The following DNM2 variants were observed in gnomAD, a reference collection of about 807,000 sequenced individuals.
DNM2 encodes dynamin-2.
In DNM2, 15 loss-of-function variants were observed where a neutral mutation model predicts 99.0. That is an observed-to-expected ratio of 0.15 (90% confidence interval 0.10 to 0.23). The LOEUF (loss-of-function observed/expected upper bound fraction) is 0.23. Among genes scored for constraint, DNM2 ranks in the 10% least tolerant of loss-of-function variants. The pLI is 1.00. For missense variants in DNM2, 742 were observed against 1,189.4 expected (o/e 0.62, Z 5.53); for synonymous variants, 525 against 481.2 (o/e 1.09, Z -1.19).
rs1363250398 is a variant in DNM2, at chr19:10,775,336, C to T, written c.386-367C>T. On this transcript the variant is annotated intron_variant, in intron 3 of 20. Transcript: ENST00000389253. The surrounding 1 kb of genome is among the most constrained non-coding windows in gnomAD (Gnocchi z 4.3). ...GCCTCAAGTGATCCACCCACCTCGG[C>T]CTCCCAAAGTGCTGGGATTGCAGAT... 2.0e-5 allele frequency among the ~76,000 whole-genome samples: 3 copies of T among 152,190 alleles called. No homozygotes were observed. Among genetic ancestry groups the T allele is most frequent in the African/African-American group, 4.8e-5 (2 of 41,452 alleles).
At chr19:10,799,402 G>A (rs963161574) in intron 11 of DNM2, among the ~76,000 whole-genome samples, 5 of 151,836 alleles carry the variant, frequency 3.3e-5, no homozygotes, top group Non-Finnish European at 5.9e-5. Flanking sequence ...GGAGCCAAGC[G>A]TGTTGTTTGT....
intron 2 of DNM2, among the ~76,000 whole-genome samples, chr19:10,760,167 G>A (rs2070570179): frequency 6.6e-6 from 1 of 151,560 alleles, no homozygotes; most frequent in South Asian, 2.1e-4. Context: ...CCAAGTAGCT[G>A]GGATTACAGG....
chr19:10,811,609 C>A lies in DNM2; in HGVS notation c.1558-655C>A. On this transcript the variant is annotated intron_variant, in intron 14 of 20. Transcript: ENST00000389253. The surrounding 1 kb of genome is among the most constrained non-coding windows in gnomAD (Gnocchi z 5.4). Reference sequence around the variant, plus strand: ...GGGTGGGGGGCTCTGCCCACACATGCCTCCAGCGGCCAGGGAGCATGGGAG... The same window carrying A: ...GGGTGGGGGGCTCTGCCCACACATGACTCCAGCGGCCAGGGAGCATGGGAG... 2.3e-6 allele frequency: 1 copy of A among 441,326 alleles called. No individual in the cohort carries two copies. The highest frequency in any genetic ancestry group is 4.6e-6 in the Non-Finnish European group (1 of 218,686). 27.3% of individuals were successfully genotyped at this position (441,326 alleles called of 1,614,324 possible).
In DNM2 at chr19:10,775,607, G is replaced by A. The variant is rs932258570; in HGVS notation, c.386-96G>A. On this transcript the variant is annotated intron_variant, in intron 3 of 20. Coordinates refer to ENST00000389253, the MANE Select transcript of DNM2 (RefSeq NM_001005361.3). This position sits in a 1 kb window ranked among gnomAD's most constrained non-coding sequence, Gnocchi z 4.3. ...GGCGACATCCTCAAGTCTGAGCCCC[G>A]CGCAGGAACTTTGGTAGTCAGCTGG... The A allele has an allele frequency of 1.4e-5, 19 of 1,385,176 alleles. No homozygotes were observed. The highest frequency in any genetic ancestry group is 1.1e-4 in the East Asian group (5 of 43,818). 85.8% of individuals were successfully genotyped at this position (1,385,176 alleles called of 1,614,324 possible). A position where few individuals can be genotyped will look rare whatever the true frequency, so the allele number is the denominator to read the frequency against.
Position 10,831,250 on chromosome 19 carries a change from C to G in DNM2, c.*203C>G. 3 of 1,320,588 alleles carry G rather than the reference C, an allele frequency of 2.3e-6. No individual in the cohort carries two copies. Among genetic ancestry groups the G allele is most frequent in the Non-Finnish European group, 2.9e-6 (3 of 1,038,790 alleles). The allele number at this position is 1,320,588 out of a possible 1,614,324, so 81.8% of individuals were successfully genotyped here. On this transcript the variant is annotated 3_prime_UTR_variant, in exon 21 of 21. Transcript: ENST00000389253. The surrounding 1 kb of genome is among the most constrained non-coding windows in gnomAD (Gnocchi z 4.3). ...ACTGCGCAAAGGGGCCCTGGAGCTC[C>G]AGGCAGGGGGCGCTGGGGTGTTGCA...
intron 7 of DNM2, among the ~76,000 whole-genome samples, chr19:10,792,215 G>A (rs962004105): frequency 2.6e-5 from 4 of 152,220 alleles, no homozygotes; most frequent in African/African-American, 9.7e-5. Context: ...GAGATTTTGG[G>A]GATCTGGGCA....
rs1276371648 is a variant in DNM2 at position 10,817,509 on chromosome 19, C to T, written c.1672-2471C>T. On this transcript the variant is annotated intron_variant, in intron 15 of 20. Coordinates refer to ENST00000389253, the MANE Select transcript of DNM2 (RefSeq NM_001005361.3). This position sits in a 1 kb window ranked among gnomAD's most constrained non-coding sequence, Gnocchi z 4.6. ...ACACTGGGTTGGCGGGGCCGGCTATCCATCCTGCAGAACCCCCCAGGCAGA... is the reference window on the plus strand; with the variant it reads ...ACACTGGGTTGGCGGGGCCGGCTATTCATCCTGCAGAACCCCCCAGGCAGA... 1 of 456,784 alleles carries T rather than the reference C, an allele frequency of 2.2e-6. No homozygotes were observed. Among genetic ancestry groups the T allele is most frequent in the Admixed American group, 2.5e-5 (1 of 40,296 alleles). The allele number at this position is 456,784 out of a possible 1,614,324, so 28.3% of individuals were successfully genotyped here.
At chr19:10,793,008 G>A (rs1214189370) in intron 7 of DNM2, among the ~76,000 whole-genome samples, 1 of 152,106 alleles carries the variant, frequency 6.6e-6, no homozygotes, top group Non-Finnish European at 1.5e-5. Context: ...ATCCTAAAGT[G>A]CTAATATTGC....
rs2070724623 is a variant in DNM2, at chr19:10,764,225, C to T, written c.235+4414C>T. Among the ~76,000 whole-genome samples, 1 of 152,164 alleles carries T rather than the reference C, an allele frequency of 6.6e-6. No homozygotes were observed. The highest frequency in any genetic ancestry group is 2.1e-4 in the South Asian group (1 of 4,836). On this transcript the variant is annotated intron_variant, in intron 2 of 20. Transcript: ENST00000389253. The surrounding 1 kb of genome is among the most constrained non-coding windows in gnomAD (Gnocchi z 4.1). ...GTTAAAGTGACTTCCCTCTCTGTGC[C>T]TTGGTAGCTTCATCTGTAAAATGGG...
chr19:10,809,972 G>T (rs1001343809), intron 14 of DNM2: 1 of 152,342 alleles, frequency 6.6e-6, no homozygotes, highest in East Asian at 1.9e-4. Flanking sequence ...CCAAGACCAG[G>T]AACCTGCTTC....
At chr19:10,723,132 ATT>A (rs1203412676) in intron 1 of DNM2, among the ~76,000 whole-genome samples, 26 of 113,910 alleles carry the variant, frequency 2.3e-4, no homozygotes, top group East Asian at 7.4e-4. Flanking sequence ...CACCTGGCTA[ATT>A]TTTTTTTTTT....
At position 10,765,135 on chromosome 19, in the gene DNM2, T is replaced by C. The variant is rs1246493582; in HGVS notation, c.235+5324T>C. On this transcript the variant is annotated intron_variant, in intron 2 of 20. Transcript: ENST00000389253. This position sits in a 1 kb window ranked among gnomAD's most constrained non-coding sequence, Gnocchi z 4.4. ...ACCTCGCCCGGCTAATTTTTTTGTA[T>C]GCTTAGTAGAGACGGGGTTTCACCG... 6.6e-6 allele frequency among the ~76,000 whole-genome samples: 1 copy of C among 151,844 alleles called. No individual in the cohort carries two copies. The highest frequency in any genetic ancestry group is 2.4e-5 in the African/African-American group (1 of 41,332).
Position 10,777,162 on chromosome 19 carries a change from G to A in DNM2, c.634G>A (p.Glu212Lys), listed in dbSNP as rs759683244. 4 of 1,614,084 alleles carry A rather than the reference G, an allele frequency of 2.5e-6. No individual in the cohort carries two copies. In the African/African-American group the frequency reaches 4.0e-5, roughly 16 times the overall value. The change falls in exon 5 of 21, where the codon GAG becomes AAG. Residue 212 changes from glutamate to lysine, a missense_variant. By Grantham distance (56) the Glu-to-Lys change is moderately conservative (BLOSUM62 1). Around this residue, in one of 7 missense-constraint regions of DNM2, gnomAD observed 192 missense variants for 358.9 expected, o/e 0.54. Transcript: ENST00000389253. Reference sequence around the variant, plus strand: ...CATCACCAAGCTTGACCTGATGGACGAGGGCACCGACGCCAGGGACGTCTT... The same window carrying A: ...CATCACCAAGCTTGACCTGATGGACAAGGGCACCGACGCCAGGGACGTCTT... Reference protein sequence around the residue: ...GVITKLDLMDEGTDARDVLEN... With the variant: ...GVITKLDLMDKGTDARDVLEN...
intron 16 of DNM2, among the ~76,000 whole-genome samples, chr19:10,821,298 G>A (rs1385087918): frequency 6.6e-6 from 1 of 152,130 alleles, no homozygotes; most frequent in African/African-American, 2.4e-5. Flanking sequence ...GTACAGGGAG[G>A]GTGACAATAT....
chr19:10,802,233 G>GC (rs923851985), intron 11 of DNM2, 55 bp from the exon 12 acceptor site: 7 of 1,586,690 alleles, frequency 4.4e-6, no homozygotes, highest in Non-Finnish European at 5.2e-6. Flanking sequence ...TCTTGCCGCT[G>GC]CCCCCCCTTG....
At chr19:10,733,244 T>A (rs1021814209) in intron 1 of DNM2, among the ~76,000 whole-genome samples, 2 of 143,786 alleles carry the variant, frequency 1.4e-5, no homozygotes, top group African/African-American at 5.2e-5. Flanking sequence ...CAGGTTGGAG[T>A]GCAGTGGCAT....
intron 1 of DNM2, among the ~76,000 whole-genome samples, chr19:10,747,809 G>A (rs2145797005): frequency 6.6e-6 from 1 of 152,270 alleles, no homozygotes; most frequent in African/African-American, 2.4e-5. Context: ...CCAGTTGTGA[G>A]TGGCACTGAG....
chr19:10,776,182 C>T (rs541447202), intron 4 of DNM2, among the ~76,000 whole-genome samples: 1 of 152,332 alleles, frequency 6.6e-6, no homozygotes, highest in East Asian at 1.9e-4. Context: ...GGGCCCAGCG[C>T]TCCATCGCCC....
At chr19:10,813,838 AAAGAAG>A (rs899021511) in intron 15 of DNM2, among the ~76,000 whole-genome samples, 3 of 150,740 alleles carry the variant, frequency 2.0e-5, no homozygotes, top group African/African-American at 7.3e-5. Context: ...AAAAAAAAAA[AAAGAAG>A]AAGAAGAAGA....
Sources: allele counts gnomAD v4.1 joint callset (sites outside exome capture counted in the v4.1 genomes callset), GRCh38; gene constraint gnomAD v4.1.1; regional missense constraint gnomAD v4.1.1; non-coding constraint Gnocchi (gnomAD v3.1); transcripts MANE v1.5; gene names NCBI Gene and HGNC (gene_info 2026-07-23, HGNC 2026-07-21).